HEBP1: variants seen among roughly 807,000 people sequenced by gnomAD.
HEBP1 encodes the protein heme-binding protein 1.
A neutral mutation model predicts 20.4 loss-of-function variants in HEBP1; 13 were observed. That is an observed-to-expected ratio of 0.64 (90% CI 0.42 to 1.01). HEBP1 has a LOEUF of 1.01. Among genes scored for constraint, HEBP1 ranks in the 50% least tolerant of loss-of-function variants. The pLI is 0.00. For synonymous variants in HEBP1, 92 were observed against 90.7 expected (o/e 1.01, Z -0.08); for missense variants, 241 against 247.3 (o/e 0.97, Z 0.17).
intron 2 of HEBP1, among the ~76,000 whole-genome samples, chr12:12,988,970 A>C (rs1197553362): frequency 6.6e-6 from 1 of 152,082 alleles, no homozygotes; most frequent in Non-Finnish European, 1.5e-5. Flanking sequence ...CAATCCAAAG[A>C]CATAATAAGC....
chr12:12,978,770 A>G (rs1864034250), intron 3 of HEBP1, among the ~76,000 whole-genome samples: 1 of 152,164 alleles, frequency 6.6e-6, no homozygotes, highest in Non-Finnish European at 1.5e-5. Context: ...AGATGCCGCT[A>G]ACCAGAATAG....
At chr12:12,985,131 G>A (rs533218248) in intron 3 of HEBP1, among the ~76,000 whole-genome samples, 128 of 150,998 alleles carry the variant, frequency 8.5e-4, no homozygotes, top group Non-Finnish European at 3.7e-4. Context: ...CTGGGCAACA[G>A]AGAGAGACTC....
At chr12:12,976,092 A>C (rs893861940) in intron 3 of HEBP1, among the ~76,000 whole-genome samples, 24 of 151,506 alleles carry the variant, frequency 1.6e-4, no homozygotes, top group Non-Finnish European at 2.7e-4. Context: ...AAAAAAAAAA[A>C]AAAAAAACAA....
intron 3 of HEBP1, chr12:12,983,624 TGAC>T (rs1444944213): frequency 2.2e-6 from 1 of 450,748 alleles, no homozygotes; most frequent in Non-Finnish European, 4.5e-6. Flanking sequence ...AATGCTCATT[TGAC>T]TATGCAGTGA....
At chr12:12,987,619 T>TCTCG (rs761211216) in intron 2 of HEBP1, among the ~76,000 whole-genome samples, 6 of 150,196 alleles carry the variant, frequency 4.0e-5, no homozygotes, top group Admixed American at 2.0e-4. Flanking sequence ...TCTTTCTCTC[T>TCTCG]CTCTCTCTCT....
intron 3 of HEBP1, among the ~76,000 whole-genome samples, chr12:12,981,589 C>T (rs1864083278): frequency 2.0e-5 from 3 of 152,148 alleles, no homozygotes. Flanking sequence ...ACCAAACTTC[C>T]CACCTAGTGC....
chr12:12,990,137 C>A (rs78890799), intron 1 of HEBP1, among the ~76,000 whole-genome samples: 4 of 143,394 alleles, frequency 2.8e-5, no homozygotes, highest in African/African-American at 1.2e-4. Flanking sequence ...CACACACACA[C>A]ACACACACAC....
Position 12,986,138 on chromosome 12 carries a change from G to T in HEBP1, c.398+1014C>A, listed in dbSNP as rs1197526323. The T allele has an allele frequency of 6.6e-6, 1 of 152,208 alleles. No individual in the cohort carries two copies. The highest frequency in any genetic ancestry group is 1.5e-5 in the Non-Finnish European group (1 of 68,050). 9.4% of individuals were successfully genotyped at this position (152,208 alleles called of 1,614,324 possible). On this transcript the variant is annotated intron_variant, in intron 3 of 3. Coordinates refer to ENST00000014930, the MANE Select transcript of HEBP1 (RefSeq NM_015987.5). The surrounding 1 kb of genome is among the most constrained non-coding windows in gnomAD (Gnocchi z 4.3). Reference sequence around the variant, plus strand: ...AGGGAAGCTGGGAAGTCTGAATGAGGACTGCAGGACAAGCACAGGAGCTGA... The same window carrying T: ...AGGGAAGCTGGGAAGTCTGAATGAGTACTGCAGGACAAGCACAGGAGCTGA...
At chr12:12,978,408 G>A (rs1357858094) in intron 3 of HEBP1, among the ~76,000 whole-genome samples, 2 of 151,794 alleles carry the variant, frequency 1.3e-5, no homozygotes, top group Non-Finnish European at 2.9e-5. Flanking sequence ...TTGCCGTATT[G>A]GCCAGGCTGG....
chr12:12,997,635 C>G (rs1864307666), intron 1 of HEBP1, among the ~76,000 whole-genome samples: 1 of 152,186 alleles, frequency 6.6e-6, no homozygotes, highest in African/African-American at 2.4e-5. Context: ...CGGCTGACAT[C>G]TGGCCTGGGA....
intron 1 of HEBP1, among the ~76,000 whole-genome samples, chr12:12,990,347 AAT>A (rs529059211): frequency 0.018 from 2,062 of 112,246 alleles, 35 homozygotes; most frequent in Non-Finnish European, 0.023. Context: ...TAAAAAAAAA[AAT>A]TTTTTTTTTT....
intron 3 of HEBP1, among the ~76,000 whole-genome samples, chr12:12,977,027 C>T (rs1863997925): frequency 6.6e-6 from 1 of 152,172 alleles, no homozygotes. Context: ...CTGAACTGTT[C>T]TCTAGGAAAA....
rs1043252399 is a variant in HEBP1 at position 12,986,668 on chromosome 12, T to C, written c.398+484A>G. 6.5e-6 allele frequency: 1 copy of C among 153,206 alleles called. No homozygotes were observed. Among genetic ancestry groups the C allele is most frequent in the African/African-American group, 2.4e-5 (1 of 41,434 alleles). The allele number at this position is 153,206 out of a possible 1,614,324, so 9.5% of individuals were successfully genotyped here. ...AAACAGGACCAGGATGACAAGAGAATAGATGTGTGCTCTGCTCAAAGGACT... is the reference window on the plus strand; with the variant it reads ...AAACAGGACCAGGATGACAAGAGAACAGATGTGTGCTCTGCTCAAAGGACT... On this transcript the variant is annotated intron_variant, in intron 3 of 3. Coordinates refer to ENST00000014930, the MANE Select transcript of HEBP1 (RefSeq NM_015987.5). The surrounding 1 kb of genome is among the most constrained non-coding windows in gnomAD (Gnocchi z 4.3).
chr12:12,990,365 G>A (rs1409925133), intron 1 of HEBP1, among the ~76,000 whole-genome samples: 1 of 122,668 alleles, frequency 8.2e-6, no homozygotes, highest in Non-Finnish European at 1.8e-5. Flanking sequence ...TTTTTTTTTG[G>A]TAGAGTCTCC....
In HEBP1 at chr12:12,975,384, A is replaced by G; in HGVS notation, c.494T>C (p.Ile165Thr). 2 of 1,613,914 alleles carry G rather than the reference A, an allele frequency of 1.2e-6. No individual in the cohort carries two copies. The highest frequency in any genetic ancestry group is 1.7e-6 in the Non-Finnish European group (2 of 1,179,912). The change falls in exon 4 of 4, where the codon ATC becomes ACC. Residue 165 changes from isoleucine (I) to threonine (T), a missense_variant. Physicochemically the swap from Ile to Thr is moderately conservative, Grantham distance 89. Transcript: ENST00000014930. ...AGGGTCATAACCCGTGCAGAAGTAGATGTCCCCCCGGTAGGTGGCTGTGCC... is the reference window on the plus strand; with the variant it reads ...AGGGTCATAACCCGTGCAGAAGTAGGTGTCCCCCCGGTAGGTGGCTGTGCC... Reference protein sequence around the residue: ...LEGTATYRGDIYFCTGYDPPM... With the variant: ...LEGTATYRGDTYFCTGYDPPM...
chr12:12,995,006 C>T (rs1436665265), intron 1 of HEBP1, among the ~76,000 whole-genome samples: 3 of 152,336 alleles, frequency 2.0e-5, no homozygotes, highest in East Asian at 3.9e-4. Context: ...CTTCTACCTA[C>T]GTTGCCAGCC....
chr12:12,998,329 A>C lies in HEBP1; in HGVS notation c.78+1708T>G, dbSNP rs1864315301. Among the ~76,000 whole-genome samples, 1 of 152,144 alleles carries C rather than the reference A, an allele frequency of 6.6e-6. No homozygotes were observed. Among genetic ancestry groups the C allele is most frequent in the East Asian group, 1.9e-4 (1 of 5,188 alleles). ...ACAGTTTTTGTCGAATTATTTTTAA[A>C]TTGGGTGATTTCGCTAAGAATCTGG... is the stretch of plus-strand genomic sequence containing the variant. On this transcript the variant is annotated intron_variant, in intron 1 of 3. Coordinates refer to ENST00000014930, the MANE Select transcript of HEBP1 (RefSeq NM_015987.5). The surrounding 1 kb of genome is among the most constrained non-coding windows in gnomAD (Gnocchi z 4.2).
chr12:12,992,001 C>T (rs1002895238), intron 1 of HEBP1, among the ~76,000 whole-genome samples: 4 of 152,162 alleles, frequency 2.6e-5, no homozygotes, highest in African/African-American at 9.7e-5. Flanking sequence ...TGCTGTGTCT[C>T]CTAACAATGA....
At chr12:12,976,862 G>C (rs1863996450) in intron 3 of HEBP1, among the ~76,000 whole-genome samples, 1 of 152,216 alleles carries the variant, frequency 6.6e-6, no homozygotes, top group Admixed American at 6.5e-5. Context: ...GAACATCCAG[G>C]AAAGACTTTT....
Sources: gnomAD v4.1 joint callset for allele counts (sites outside exome capture counted in the v4.1 genomes callset) on GRCh38, gnomAD v4.1.1 for gene constraint, Gnocchi (gnomAD v3.1) non-coding constraint, MANE v1.5 for transcripts, NCBI Gene and HGNC (gene_info 2026-07-23, HGNC 2026-07-21) for gene names.